Variants in ACADL observed in about 807,000 individuals in gnomAD.
ACADL encodes the protein acyl-CoA dehydrogenase long chain.
In ACADL, 60 loss-of-function variants were observed where a neutral mutation model predicts 56.9. That is an observed-to-expected ratio of 1.05 (90% CI 0.86 to 1.31). The LOEUF is 1.31. ACADL is among the 50% of genes most tolerant of loss of function. The pLI is 0.00. For missense variants in ACADL, 484 were observed against 525.5 expected, an observed-to-expected ratio of 0.92 and a Z score of 0.77; for synonymous variants, 158 against 179.7, an observed-to-expected ratio of 0.88 and a Z score of 0.97.
intron 4 of ACADL, among the ~76,000 whole-genome samples, chr2:210,215,447 A>T (rs1457366544): frequency 6.6e-6 from 1 of 151,922 alleles, no homozygotes; most frequent in Non-Finnish European, 1.5e-5. Context: ...CTTCCTACTC[A>T]TGTCTAGATT....
chr2:210,213,903 A>G (rs1689029873), intron 4 of ACADL, among the ~76,000 whole-genome samples: 1 of 152,120 alleles, frequency 6.6e-6, no homozygotes, highest in Non-Finnish European at 1.5e-5. Context: ...ACATGAGATC[A>G]GGTGCAGTGG....
At chr2:210,201,505 C>A (rs934088804) in intron 8 of ACADL, among the ~76,000 whole-genome samples, 1 of 152,046 alleles carries the variant, frequency 6.6e-6, no homozygotes, top group African/African-American at 2.4e-5. Flanking sequence ...AAATAGGAAA[C>A]TATTTTTGAG....
At chr2:210,211,185 A>G (rs1225048232) in intron 4 of ACADL, among the ~76,000 whole-genome samples, 2 of 152,176 alleles carry the variant, frequency 1.3e-5, no homozygotes, top group African/African-American at 4.8e-5. Context: ...ATGCATTTTT[A>G]TAAAACTGGA....
At chr2:210,190,949 C>A (rs1688623747) in intron 10 of ACADL, among the ~76,000 whole-genome samples, 1 of 145,596 alleles carries the variant, frequency 6.9e-6, no homozygotes, top group Admixed American at 7.0e-5. Context: ...GACAGTCTCA[C>A]TCTGTCGCCC....
intron 1 of ACADL, among the ~76,000 whole-genome samples, chr2:210,222,930 C>T (rs913440856): frequency 1.4e-4 from 21 of 152,126 alleles, no homozygotes; most frequent in Admixed American, 3.3e-4. Context: ...TATAGATTTT[C>T]CATACTTGAG....
In ACADL at chr2:210,224,332, C is replaced by T. The variant is rs1032831454; in HGVS notation, c.77+855G>A. 3 of 944,250 alleles carry T rather than the reference C, an allele frequency of 3.2e-6. No individual in the cohort carries two copies. The African/African-American group carries it at 5.3e-5, about 17-fold the overall frequency. 58.5% of individuals were successfully genotyped at this position (944,250 alleles called of 1,614,324 possible). A position where few individuals can be genotyped will look rare whatever the true frequency, so the allele number is the denominator to read the frequency against. Reference sequence around the variant, plus strand: ...AAAGTCACCTTCTCAGTGACGTCTTCCCAAATCTCCCCAGGAAAAGTAGGC... The same window carrying T: ...AAAGTCACCTTCTCAGTGACGTCTTTCCAAATCTCCCCAGGAAAAGTAGGC... On this transcript the variant is annotated intron_variant, in intron 1 of 10. Coordinates refer to ENST00000233710, the MANE Select transcript of ACADL (RefSeq NM_001608.4).
intron 8 of ACADL, among the ~76,000 whole-genome samples, chr2:210,196,276 T>A (rs936411346): frequency 1.1e-4 from 15 of 138,112 alleles, no homozygotes; most frequent in South Asian, 4.7e-4. Context: ...TTTTTTTTTT[T>A]AATAAATTAC....
At chr2:210,194,795 G>A (rs1024267579) in intron 9 of ACADL, among the ~76,000 whole-genome samples, 17 of 152,016 alleles carry the variant, frequency 1.1e-4, no homozygotes, top group Admixed American at 9.2e-4. Flanking sequence ...AAAAGAATTT[G>A]GACTCTATCT....
At chr2:210,216,786 C>G in intron 3 of ACADL, 1 of 374,470 alleles carries the variant, frequency 2.7e-6, no homozygotes, top group Non-Finnish European at 5.0e-6. Flanking sequence ...TTGTATTCCT[C>G]TAACACAGTG....
chr2:210,193,211 G>A (rs946966222), intron 9 of ACADL, among the ~76,000 whole-genome samples: 1 of 152,148 alleles, frequency 6.6e-6, no homozygotes, highest in Non-Finnish European at 1.5e-5. Flanking sequence ...ACTTGAATAT[G>A]TTCTAATTTA....
chr2:210,190,722 AAAT>A (rs1282473401), intron 10 of ACADL, among the ~76,000 whole-genome samples: 1 of 152,066 alleles, frequency 6.6e-6, no homozygotes, highest in South Asian at 2.1e-4. Flanking sequence ...CAAAAAAACA[AAAT>A]AAAAAAGCAG....
intron 1 of ACADL, chr2:210,224,907 A>G: frequency 7.9e-7 from 1 of 1,271,246 alleles, no homozygotes; most frequent in Non-Finnish European, 9.9e-7. Flanking sequence ...GGGGCTCCGG[A>G]ATGAACTTCT....
chr2:210,205,943 A>G, intron 5 of ACADL, 147 bp from the exon 6 acceptor site: 2 of 894,874 alleles, frequency 2.2e-6, no homozygotes, highest in Non-Finnish European at 3.5e-6. Flanking sequence ...ATATCTGCAA[A>G]GTTGATTATT....
chr2:210,205,940 CA>C, intron 5 of ACADL, 144 bp from the exon 6 acceptor site: 1 of 915,860 alleles, frequency 1.1e-6, no homozygotes, highest in African/African-American at 1.6e-5. Flanking sequence ...CAAATATCTG[CA>C]AAGTTGATTA....
At chr2:210,210,107 T>G in intron 5 of ACADL, 89 bp downstream of exon 5, 2 of 1,018,390 alleles carry the variant, frequency 2.0e-6, no homozygotes, top group Non-Finnish European at 3.1e-6. Context: ...AGTCCCTAGA[T>G]TTAATAGAAT....
intron 4 of ACADL, among the ~76,000 whole-genome samples, chr2:210,211,398 C>A (rs1329726918): frequency 6.6e-6 from 1 of 152,052 alleles, no homozygotes; most frequent in African/African-American, 2.4e-5. Flanking sequence ...TCCAATTTGT[C>A]TTCTTTATGT....
intron 4 of ACADL, among the ~76,000 whole-genome samples, chr2:210,214,711 G>C (rs1689056308): frequency 6.6e-6 from 1 of 152,124 alleles, no homozygotes; most frequent in Admixed American, 6.6e-5. Flanking sequence ...AATATGCAAT[G>C]AGCTGGAAGT....
chr2:210,196,192 G>T (rs1410744064), intron 8 of ACADL, among the ~76,000 whole-genome samples: 8 of 151,584 alleles, frequency 5.3e-5, no homozygotes, highest in Admixed American at 5.3e-4. Flanking sequence ...ATGTGCTGTT[G>T]TTCCTCCTTC....
At chr2:210,219,798 A>T (rs2125718431) in intron 2 of ACADL, among the ~76,000 whole-genome samples, 1 of 152,188 alleles carries the variant, frequency 6.6e-6, no homozygotes. Flanking sequence ...TTTAACATAT[A>T]TTAAATATAT....
Sources: allele counts gnomAD v4.1 joint callset (sites outside exome capture counted in the v4.1 genomes callset), GRCh38; gene constraint gnomAD v4.1.1; transcripts MANE v1.5; gene names NCBI Gene and HGNC (gene_info 2026-07-23, HGNC 2026-07-21).